FMNL2: variants seen among roughly 807,000 people sequenced by gnomAD.
The protein encoded by FMNL2 is formin like 2, also known as formin-like protein 2.
FMNL2 carries 51 observed loss-of-function variants against 130.2 expected under a neutral mutation model. That is an observed-to-expected ratio of 0.39 (90% confidence interval 0.31 to 0.49). The LOEUF (loss-of-function observed/expected upper bound fraction) is 0.49. FMNL2 is among the 20% of genes least tolerant of loss of function. The pLI, the probability that FMNL2 is intolerant of heterozygous loss-of-function variation, is 0.85. For missense variants in FMNL2, 977 were observed against 1,316.2 expected (o/e 0.74, Z 3.99); for synonymous variants, 465 against 467.1 (o/e 1.00, Z 0.06).
Position 152,649,747 on chromosome 2 carries a change from A to ATGT in FMNL2, c.*1844_*1846dup, listed in dbSNP as rs1683919175. On this transcript the variant is annotated 3_prime_UTR_variant, in exon 26 of 26. Coordinates refer to ENST00000288670, the MANE Select transcript of FMNL2 (RefSeq NM_052905.4). ...GGGCCTGCTTCTTAGCAATATTAGA[A>ATGT]TGTTTTATAAAAGCAATTCATGTTA... The ATGT allele has an allele frequency of 6.6e-6, 1 of 152,642 alleles. No individual in the cohort carries two copies. The highest frequency in any genetic ancestry group is 1.5e-5 in the Non-Finnish European group (1 of 68,040). 9.5% of individuals were successfully genotyped at this position (152,642 alleles called of 1,614,324 possible).
chr2:152,510,044 CG>C (rs1337997988), intron 1 of FMNL2, among the ~76,000 whole-genome samples: 3 of 152,038 alleles, frequency 2.0e-5, no homozygotes, highest in Non-Finnish European at 4.4e-5. Context: ...CCATGATGCT[CG>C]GCCTATCTGG....
intron 1 of FMNL2, among the ~76,000 whole-genome samples, chr2:152,392,747 A>G (rs1016175417): frequency 1.3e-5 from 2 of 152,212 alleles, no homozygotes; most frequent in South Asian, 2.1e-4. Flanking sequence ...CATTCAAACC[A>G]TAACACCCCC....
At chr2:152,507,627 G>T (rs950358109) in intron 1 of FMNL2, among the ~76,000 whole-genome samples, 1 of 152,310 alleles carries the variant, frequency 6.6e-6, no homozygotes, top group African/African-American at 2.4e-5. Flanking sequence ...AGTAGTTTCA[G>T]TTCTGTGATA....
At chr2:152,404,344 A>T (rs1685869274) in intron 1 of FMNL2, among the ~76,000 whole-genome samples, 1 of 152,196 alleles carries the variant, frequency 6.6e-6, no homozygotes, top group African/African-American at 2.4e-5. Context: ...ATCTCCTCAC[A>T]TCCCATAGCA....
Position 152,620,205 on chromosome 2 carries a change from C to G in FMNL2, c.1837+487C>G, listed in dbSNP as rs542844990. Among the ~76,000 whole-genome samples the G allele has an allele frequency of 9.8e-4, 149 of 152,088 alleles. 1 individual carries two copies. Among genetic ancestry groups the G allele is most frequent in the African/African-American group, 3.5e-3 (145 of 41,468 alleles). On this transcript the variant is annotated intron_variant, in intron 15 of 25. Transcript: ENST00000288670. ...GCCTGACGTAGGCTTCCAGGCATGT[C>G]TTCTGAGCATTCGAGAACATCAGAA...
Position 152,647,894 on chromosome 2 carries a change from A to AT in FMNL2, c.3269dup (p.Thr1091AsnfsTer16), listed in dbSNP as rs771453048. 1 of 1,613,004 alleles carries AT rather than the reference A, an allele frequency of 6.2e-7. No homozygotes were observed. Among genetic ancestry groups the AT allele is most frequent in the South Asian group, 1.1e-5 (1 of 90,942 alleles). Reference sequence around the variant, plus strand: ...CTTGCGTTCTGTTAATGGTGCCGAAATAACAATGTGAACCTGAGACTGGCC... The same window carrying AT: ...CTTGCGTTCTGTTAATGGTGCCGAAATTAACAATGTGAACCTGAGACTGGCC... On this transcript the variant is annotated frameshift_variant, in exon 26 of 26. Transcript: ENST00000288670. LOFTEE classifies it high-confidence loss of function.
chr2:152,390,211 TC>T (rs1390692607), intron 1 of FMNL2: 7 of 1,442,154 alleles, frequency 4.9e-6, no homozygotes, highest in Middle Eastern at 3.6e-4. Flanking sequence ...CGTGTAAACT[TC>T]CGGCTGAAAG....
chr2:152,362,935 A>G (rs1270029544), intron 1 of FMNL2, among the ~76,000 whole-genome samples: 1 of 152,182 alleles, frequency 6.6e-6, no homozygotes, highest in African/African-American at 2.4e-5. Context: ...CCAGTCACAA[A>G]AGATTACATA....
At chr2:152,355,842 T>A (rs1216136615) in intron 1 of FMNL2, among the ~76,000 whole-genome samples, 3 of 152,212 alleles carry the variant, frequency 2.0e-5, no homozygotes, top group African/African-American at 7.2e-5. Context: ...ATGGACATAT[T>A]CTTAACAAAA....
intron 1 of FMNL2, among the ~76,000 whole-genome samples, chr2:152,444,622 G>A (rs1688242217): frequency 1.3e-5 from 2 of 152,178 alleles, no homozygotes; most frequent in South Asian, 4.1e-4. Flanking sequence ...GTGCTCAGGA[G>A]GAAGAGACTG....
intron 25 of FMNL2, among the ~76,000 whole-genome samples, chr2:152,646,835 C>T (rs1683629564): frequency 6.6e-6 from 1 of 152,148 alleles, no homozygotes; most frequent in Non-Finnish European, 1.5e-5. Flanking sequence ...TTTCACTATG[C>T]CCTGACTTCA....
chr2:152,567,680 C>A (rs1464867922), intron 6 of FMNL2, among the ~76,000 whole-genome samples: 1 of 152,204 alleles, frequency 6.6e-6, no homozygotes, highest in Non-Finnish European at 1.5e-5. Context: ...TTAGCCCAGA[C>A]CTTGGAACCA....
At chr2:152,607,718 G>A (rs777305364) in intron 10 of FMNL2, 31 of 216,978 alleles carry the variant, frequency 1.4e-4, no homozygotes, top group Non-Finnish European at 8.3e-5. Context: ...TTGTTTAATT[G>A]TTGATGATGC....
chr2:152,573,017 T>C (rs997934786), intron 6 of FMNL2, among the ~76,000 whole-genome samples: 2 of 152,232 alleles, frequency 1.3e-5, no homozygotes, highest in Non-Finnish European at 2.9e-5. Flanking sequence ...TAAAGAATTA[T>C]GACATTTCTC....
rs543675469 is a variant in FMNL2 at position 152,399,245 on chromosome 2, G to A, written c.117+63525G>A. Among the ~76,000 whole-genome samples, 13 of 152,302 alleles carry A rather than the reference G, an allele frequency of 8.5e-5. No homozygotes were observed. The East Asian group carries it at 2.5e-3, about 29-fold the overall frequency. On this transcript the variant is annotated intron_variant, in intron 1 of 25. Coordinates refer to ENST00000288670, the MANE Select transcript of FMNL2 (RefSeq NM_052905.4). The stretch of plus-strand genomic sequence containing the variant: ...ATTGATAGAGAAGTGAAATCAGAAG[G>A]TAGGTGACTAATCCAAATAAAAGTT...
chr2:152,379,358 T>C (rs762428306), intron 1 of FMNL2, among the ~76,000 whole-genome samples: 22 of 152,234 alleles, frequency 1.4e-4, no homozygotes, highest in Admixed American at 4.6e-4. Context: ...TGGATAGTCT[T>C]CTTGCAGTAA....
At chr2:152,623,648 G>A (rs1176821247) in intron 15 of FMNL2, among the ~76,000 whole-genome samples, 1 of 152,146 alleles carries the variant, frequency 6.6e-6, no homozygotes, top group Non-Finnish European at 1.5e-5. Flanking sequence ...GTTCTGCACT[G>A]AAGCGCTGAA....
intron 24 of FMNL2, 59 bp downstream of exon 24, chr2:152,640,115 GAGCAAGCCATACAAAGGACC>G: frequency 7.0e-7 from 1 of 1,427,108 alleles, no homozygotes; most frequent in Non-Finnish European, 9.4e-7. Context: ...GGGCTCTTCA[GAGCAAGCCATACAAAGGACC>G]AGCAAGCCAG....
intron 3 of FMNL2, among the ~76,000 whole-genome samples, chr2:152,547,657 C>T (rs939333172): frequency 1.3e-5 from 2 of 152,182 alleles, no homozygotes; most frequent in African/African-American, 4.8e-5. Flanking sequence ...GTGGGCGTAG[C>T]TCTTGCCACC....
Sources: allele counts gnomAD v4.1 joint callset (sites outside exome capture counted in the v4.1 genomes callset), GRCh38; gene constraint gnomAD v4.1.1; transcripts MANE v1.5; gene names NCBI Gene and HGNC (gene_info 2026-07-23, HGNC 2026-07-21).